SYTL3: variants seen among roughly 807,000 people sequenced by gnomAD.
The protein encoded by SYTL3 is synaptotagmin-like protein 3.
Under a neutral mutation model 82.1 loss-of-function variants are expected in SYTL3, and 88 were observed. That is an observed-to-expected ratio of 1.07 (90% CI 0.90 to 1.28). The LOEUF is 1.28. SYTL3 is among the 50% of genes most tolerant of loss of function. SYTL3 has a pLI of 0.00. For synonymous variants in SYTL3, 311 were observed against 289.4 expected (o/e 1.07, Z -0.76); for missense variants, 831 against 757.6 (o/e 1.10, Z -1.14).
intron 6 of SYTL3, among the ~76,000 whole-genome samples, chr6:158,689,705 G>A (rs1009434174): frequency 1.2e-4 from 18 of 150,894 alleles, no homozygotes; most frequent in Admixed American, 1.1e-3. Flanking sequence ...CCAGGCTGGA[G>A]TACCATGGCG....
intron 12 of SYTL3, among the ~76,000 whole-genome samples, chr6:158,750,762 T>C (rs1335339945): frequency 6.6e-6 from 1 of 152,174 alleles, no homozygotes; most frequent in African/African-American, 2.4e-5. Flanking sequence ...TATGGAATCC[T>C]CCCTGAGCCA....
chr6:158,735,048 T>G (rs1473498997), intron 11 of SYTL3, among the ~76,000 whole-genome samples: 4 of 152,110 alleles, frequency 2.6e-5, no homozygotes, highest in African/African-American at 9.7e-5. Flanking sequence ...TTTCACACTA[T>G]CCCACAGGCG....
intron 1 of SYTL3, among the ~76,000 whole-genome samples, chr6:158,651,029 C>T (rs1316841838): frequency 2.0e-5 from 3 of 152,156 alleles, no homozygotes; most frequent in Admixed American, 6.5e-5. Flanking sequence ...AACTTAGCTG[C>T]TTTGCCTAAA....
intron 5 of SYTL3, among the ~76,000 whole-genome samples, chr6:158,674,931 C>T (rs1277104497): frequency 1.3e-5 from 2 of 148,728 alleles, no homozygotes; most frequent in African/African-American, 4.9e-5. Context: ...CCCTCATTTA[C>T]AGTTTCTGCT....
chr6:158,751,574 A>G (rs190729176), intron 12 of SYTL3, among the ~76,000 whole-genome samples: 41 of 152,174 alleles, frequency 2.7e-4, no homozygotes, highest in Admixed American at 2.6e-3. Flanking sequence ...GGCAGAAGGG[A>G]CGGGAATCCG....
intron 8 of SYTL3, among the ~76,000 whole-genome samples, chr6:158,713,293 G>A (rs1196641390): frequency 1.3e-5 from 2 of 152,116 alleles, no homozygotes; most frequent in East Asian, 3.8e-4. Flanking sequence ...ACTCCTTTCT[G>A]TTGTTTTATC....
At chr6:158,719,946 G>A (rs1451433251) in intron 10 of SYTL3, among the ~76,000 whole-genome samples, 3 of 151,980 alleles carry the variant, frequency 2.0e-5, no homozygotes, top group African/African-American at 2.4e-5. Context: ...AATATTAGCC[G>A]GGTGTGGTGT....
upstream of SYTL3, chr6:158,650,009 C>G (rs1313980866): frequency 6.6e-6 from 1 of 152,020 alleles, no homozygotes; most frequent in Admixed American, 6.6e-5. Flanking sequence ...GTCAGTTACT[C>G]TAACAAGAAG....
In SYTL3 at chr6:158,663,589, C is replaced by T. The variant is rs907903445; in HGVS notation, c.110+211C>T. 29 of 985,144 alleles carry T rather than the reference C, an allele frequency of 2.9e-5. No individual in the cohort carries two copies. The African/African-American group carries it at 3.0e-4, about 10-fold the overall frequency. The allele number at this position is 985,144 out of a possible 1,614,324, so 61.0% of individuals were successfully genotyped here. ...GGACGCTCAGGAGGAGGAGGGAGGC[C>T]GCTCTTGTTATTCATTTAAAACGGT... On this transcript the variant is annotated intron_variant, in intron 4 of 17. Transcript: ENST00000611299.
rs192672210 is a variant in SYTL3 at position 158,698,968 on chromosome 6, G to C, written c.395-8262G>C. 1.2e-3 allele frequency among the ~76,000 whole-genome samples: 189 copies of C among 152,306 alleles called. 2 individuals are homozygous for C. The highest frequency in any genetic ancestry group is 0.011 in the Admixed American group (162 of 15,300). On this transcript the variant is annotated intron_variant, in intron 6 of 17. Transcript: ENST00000611299. Reference sequence around the variant, plus strand: ...TTCCCACTCCACAGGCACCAGCAGAGAGGTGGCCAGAGGGAAGGCCGCCTT... The same window carrying C: ...TTCCCACTCCACAGGCACCAGCAGACAGGTGGCCAGAGGGAAGGCCGCCTT...
chr6:158,745,613 G>C lies in SYTL3; in HGVS notation c.989G>C (p.Cys330Ser), dbSNP rs754380604. 14 of 1,611,644 alleles carry C rather than the reference G, an allele frequency of 8.7e-6. No individual in the cohort carries two copies. The East Asian group carries it at 2.9e-4, about 33-fold the overall frequency. ...TCTTTAGAAATATGCATCAAGGCCT[G>C]TAAGAACCTTGCCTATGGAGAAGAA... is the stretch of plus-strand genomic sequence containing the variant. ...THSLEICIKA[C>S]KNLAYGEEKK... The change falls in exon 12 of 18, where the codon TGT becomes TCT. Residue 330 changes from cysteine (C) to serine (S), a missense_variant. Coordinates refer to ENST00000611299, the MANE Select transcript of SYTL3 (RefSeq NM_001242394.2).
chr6:158,762,236 C>T, intron 16 of SYTL3, 58 bp downstream of exon 16: 1 of 1,240,638 alleles, frequency 8.1e-7, no homozygotes, highest in Non-Finnish European at 1.2e-6. Flanking sequence ...CACAACATGG[C>T]CCAGAACCTG....
intron 12 of SYTL3, among the ~76,000 whole-genome samples, chr6:158,746,481 T>TATTATTA (rs1554263769): frequency 1.3e-5 from 2 of 148,892 alleles, no homozygotes; most frequent in African/African-American, 2.5e-5. Context: ...TTATTATTAT[T>TATTATTA]TTGAGGTGGA....
Position 158,729,566 on chromosome 6 carries a change from CTT to C in SYTL3, c.855+3946_855+3947del, listed in dbSNP as rs34172320. On this transcript the variant is annotated intron_variant, in intron 11 of 17. Coordinates refer to ENST00000611299, the MANE Select transcript of SYTL3 (RefSeq NM_001242394.2). Reference sequence around the variant, plus strand: ...GTGTACTGTACTTTACTTTCTTTTTCTTTTTTTTTTTTTTTTTTGAGACAGAG... The same window carrying C: ...GTGTACTGTACTTTACTTTCTTTTTCTTTTTTTTTTTTTTTTGAGACAGAG... Among the ~76,000 whole-genome samples, 100 of 132,820 alleles carry C rather than the reference CTT, an allele frequency of 7.5e-4. No individual in the cohort carries two copies. In the South Asian group the frequency reaches 0.014, roughly 18 times the overall value. The allele number at this position is 132,820 out of a possible 152,430, so 87.1% of individuals were successfully genotyped here.
chr6:158,681,711 C>T (rs1280346388), intron 5 of SYTL3, among the ~76,000 whole-genome samples: 1 of 152,120 alleles, frequency 6.6e-6, no homozygotes, highest in East Asian at 1.9e-4. Context: ...GATTTAAGCC[C>T]CCAAATCTCC....
intron 15 of SYTL3, among the ~76,000 whole-genome samples, chr6:158,761,568 A>T (rs1018384970): frequency 4.6e-5 from 7 of 152,008 alleles, no homozygotes; most frequent in Non-Finnish European, 1.0e-4. Flanking sequence ...TTGGCCTCCC[A>T]AAGTGCTGGG....
intron 5 of SYTL3, among the ~76,000 whole-genome samples, chr6:158,680,544 G>A (rs945027734): frequency 1.5e-5 from 2 of 134,310 alleles, no homozygotes; most frequent in African/African-American, 5.8e-5. Context: ...TTTGAGACCA[G>A]ACTGGGCAAC....
At chr6:158,654,665 T>C (rs1485430658) in intron 2 of SYTL3, among the ~76,000 whole-genome samples, 1 of 152,154 alleles carries the variant, frequency 6.6e-6, no homozygotes, top group African/African-American at 2.4e-5. Context: ...CAAACAGCCC[T>C]GTGAAGCAGG....
rs11965557 is a variant in SYTL3, at chr6:158,730,808, T to A, written c.855+5171T>A. On this transcript the variant is annotated intron_variant, in intron 11 of 17. Coordinates refer to ENST00000611299, the MANE Select transcript of SYTL3 (RefSeq NM_001242394.2). Reference sequence around the variant, plus strand: ...AAGCATTCCTTGGTTAGGACATACCTAGGTAAGAGAAACCGCAGGGGCGGT... The same window carrying A: ...AAGCATTCCTTGGTTAGGACATACCAAGGTAAGAGAAACCGCAGGGGCGGT... Among the ~76,000 whole-genome samples the A allele has an allele frequency of 9.1e-3, 1,378 of 151,962 alleles. 13 individuals are homozygous for A. The highest frequency in any genetic ancestry group is 0.031 in the African/African-American group (1,271 of 41,432).
Sources: allele counts gnomAD v4.1 joint callset (sites outside exome capture counted in the v4.1 genomes callset), GRCh38; gene constraint gnomAD v4.1.1; transcripts MANE v1.5; gene names NCBI Gene and HGNC (gene_info 2026-07-23, HGNC 2026-07-21).